LRRC70: variants seen among roughly 807,000 people sequenced by gnomAD.
LRRC70 encodes leucine-rich repeat-containing protein 70.
Under a neutral mutation model 42.4 loss-of-function variants are expected in LRRC70, and 31 were observed. That is an observed-to-expected ratio of 0.73 (90% CI 0.55 to 0.99). The LOEUF is 0.99. Among genes scored for constraint, LRRC70 ranks in the 50% least tolerant of loss-of-function variants. The probability of loss-of-function intolerance (pLI) is 0.00; values close to 1 mark genes in which losing one functional copy is unlikely to be tolerated. For missense variants in LRRC70, 643 were observed against 707.5 expected (o/e 0.91, Z 1.03); for synonymous variants, 270 against 262.9 (o/e 1.03, Z -0.26).
rs988873763 is a variant in LRRC70, at chr5:62,580,598, A to G, written c.1160A>G (p.Asn387Ser). The change falls in exon 2 of 2, where the codon AAT (asparagine) becomes AGT (serine). Residue 387 changes from asparagine to serine, a missense_variant. By Grantham distance (46) the Asn-to-Ser change is conservative (BLOSUM62 1). Transcript: ENST00000334994. ...SAITLNIYCQ[N>S]PPSMRGRALR... ...ATTACTCTAAACATCTATTGTCAGA[A>G]TCCCCCATCCATGCGTGGCAGAGCA... is the stretch of plus-strand genomic sequence containing the variant. 6.4e-7 allele frequency: 1 copy of G among 1,551,474 alleles called. No individual in the cohort carries two copies. The highest frequency in any genetic ancestry group is 8.7e-7 in the Non-Finnish European group (1 of 1,146,822).
In LRRC70 at chr5:62,580,466, G is replaced by C. The variant is rs1390950931; in HGVS notation, c.1028G>C (p.Arg343Thr). ...SFNNLTALHP[R>T]VLKPLSSLIH... Reference sequence around the variant, plus strand: ...AATAATCTTACAGCCTTGCATCCAAGGGTCCTTAAGCCGTTGTCTTCATTG... The same window carrying C: ...AATAATCTTACAGCCTTGCATCCAACGGTCCTTAAGCCGTTGTCTTCATTG... Residue 343 changes from arginine (R) to threonine (T), a missense_variant, in exon 2 of 2, where the codon AGG (arginine) becomes ACG (threonine). Arg to Thr is a moderately conservative substitution (Grantham distance 71, BLOSUM62 -1). Transcript: ENST00000334994. The C allele has an allele frequency of 6.4e-7, 1 of 1,551,248 alleles. No individual in the cohort carries two copies. The highest frequency in any genetic ancestry group is 1.4e-5 in the African/African-American group (1 of 73,004).
Position 62,580,391 on chromosome 5 carries a change from A to T in LRRC70, c.953A>T (p.Asp318Val), listed in dbSNP as rs1365284605. 2.6e-6 allele frequency: 4 copies of T among 1,549,708 alleles called. No individual in the cohort carries two copies. In the African/African-American group the frequency reaches 4.1e-5, roughly 16 times the overall value. ...AACAGAATAATTAGCATTGATAATGATACATTTGAAAATATGGGAGCATCT... is the reference window on the plus strand; with the variant it reads ...AACAGAATAATTAGCATTGATAATGTTACATTTGAAAATATGGGAGCATCT... The part of the protein sequence containing the change: ...DRNRIISIDN[D>V]TFENMGASLK... Residue 318 changes from aspartate to valine, a missense_variant, in exon 2 of 2, where the codon GAT becomes GTT. Physicochemically the swap from Asp to Val is radical, Grantham distance 152. Coordinates refer to ENST00000334994, the MANE Select transcript of LRRC70 (RefSeq NM_181506.5).
rs564539877 is a variant in LRRC70 at position 62,579,842 on chromosome 5, G to A, written c.404G>A (p.Arg135His). ...ATATTTAAGGGACTTTTAAATCTTC[G>A]TAATTTATATTTACAGTATAATCAG... ...PGIFKGLLNL[R>H]NLYLQYNQVS... The change falls in exon 2 of 2, where the codon CGT becomes CAT. Residue 135 changes from arginine to histidine, a missense_variant. By Grantham distance (29) the Arg-to-His change is conservative (BLOSUM62 0). Coordinates refer to ENST00000334994, the MANE Select transcript of LRRC70 (RefSeq NM_181506.5). 7.0e-5 allele frequency: 108 copies of A among 1,547,690 alleles called. 2 individuals carry two copies. The highest frequency in any genetic ancestry group is 6.7e-4 in the South Asian group (56 of 83,566).
chr5:62,581,424 T>G lies in LRRC70; in HGVS notation c.*117T>G, dbSNP rs558201346. The G allele has an allele frequency of 2.4e-6, 2 of 817,032 alleles. No homozygotes were observed. The highest frequency in any genetic ancestry group is 2.4e-5 in the South Asian group (1 of 42,492). 50.6% of individuals were successfully genotyped at this position (817,032 alleles called of 1,614,324 possible). A position where few individuals can be genotyped will look rare whatever the true frequency, so the allele number is the denominator to read the frequency against. On this transcript the variant is annotated 3_prime_UTR_variant, in exon 2 of 2. Transcript: ENST00000334994. Reference sequence around the variant, plus strand: ...TATAATGAATTATATGAGGTTAGCATTATTAAAATATGTTTTTAATAATTT... The same window carrying G: ...TATAATGAATTATATGAGGTTAGCAGTATTAAAATATGTTTTTAATAATTT...
In LRRC70 at chr5:62,580,848, T is replaced by C. The variant is rs1334837256; in HGVS notation, c.1410T>C (p.Asn470=). The C allele has an allele frequency of 6.4e-7, 1 of 1,551,414 alleles. No homozygotes were observed. Among genetic ancestry groups the C allele is most frequent in the South Asian group, 1.2e-5 (1 of 84,066 alleles). The change falls in exon 2 of 2, where the codon AAT becomes AAC. Residue 470 remains asparagine (N), a synonymous_variant. Coordinates refer to ENST00000334994, the MANE Select transcript of LRRC70 (RefSeq NM_181506.5). ...TSPAGRFFQE[N]AFGNPLETTA... is the part of the protein sequence containing the mutation. ...CTGCTGGTAGATTTTTTCAAGAGAA[T>C]GCCTTTGGTAATCCATTAGAGACTA...
chr5:62,581,147 A>G lies in LRRC70; in HGVS notation c.1709A>G (p.Tyr570Cys), dbSNP rs772130845. 8 of 1,550,914 alleles carry G rather than the reference A, an allele frequency of 5.2e-6. No individual in the cohort carries two copies. Among genetic ancestry groups the G allele is most frequent in the South Asian group, 1.2e-5 (1 of 83,890 alleles). Residue 570 changes from tyrosine (Y) to cysteine (C), a missense_variant, in exon 2 of 2, where the codon TAC becomes TGC. Transcript: ENST00000334994. ...TCAAGGGAAAATAGACTTGAATACT[A>G]CAGCTTTTATCAGTCAGCAAGGTAT... ...ENSRENRLEY[Y>C]SFYQSARYNV...
rs1020507617 is a variant in LRRC70 at position 62,580,717 on chromosome 5, A to G, written c.1279A>G (p.Thr427Ala). 2.6e-6 allele frequency: 4 copies of G among 1,551,342 alleles called. No individual in the cohort carries two copies. The highest frequency in any genetic ancestry group is 1.2e-5 in the South Asian group (1 of 84,066). Residue 427 changes from threonine (T) to alanine (A), a missense_variant, in exon 2 of 2, where the codon ACT becomes GCT. Coordinates refer to ENST00000334994, the MANE Select transcript of LRRC70 (RefSeq NM_181506.5). ...AAAATCTCCTCATATTCATCACAAG[A>G]CTACTGCGCTAATGATGGCCTGGCA... is the stretch of plus-strand genomic sequence containing the variant. The part of the protein sequence containing the change: ...VVKSPHIHHK[T>A]TALMMAWHKV...
In LRRC70 at chr5:62,579,721, A is replaced by G. The variant is rs750106580; in HGVS notation, c.283A>G (p.Asn95Asp). 97 of 1,548,332 alleles carry G rather than the reference A, an allele frequency of 6.3e-5. 1 individual carries two copies. Among genetic ancestry groups the G allele is most frequent in the East Asian group, 1.2e-4 (5 of 40,864 alleles). Residue 95 changes from asparagine to aspartate, a missense_variant, in exon 2 of 2, where the codon AAC becomes GAC. By Grantham distance (23) the Asn-to-Asp change is conservative (BLOSUM62 1). Coordinates refer to ENST00000334994, the MANE Select transcript of LRRC70 (RefSeq NM_181506.5). ...TGTAGCATTGTATTTGGATAATTCT[A>G]ACATTCTGTATGTATATCCAAAAGC... ...SLVALYLDNS[N>D]ILYVYPKAFV... is the part of the protein sequence containing the mutation.
Position 62,579,995 on chromosome 5 carries a change from A to G in LRRC70, c.557A>G (p.Asp186Gly). 1.3e-6 allele frequency: 2 copies of G among 1,551,256 alleles called. No homozygotes were observed. The highest frequency in any genetic ancestry group is 1.7e-6 in the Non-Finnish European group (2 of 1,146,730). ...FVGMVALRIL[D>G]LSNNNILRIS... ...GGTATGGTTGCTCTTCGGATACTTG[A>G]TTTATCAAACAATAACATTTTGAGG... The change falls in exon 2 of 2, where the codon GAT becomes GGT. Residue 186 changes from aspartate to glycine, a missense_variant. Transcript: ENST00000334994.
Position 62,581,150 on chromosome 5 carries a change from G to T in LRRC70, c.1712G>T (p.Ser571Ile). The change falls in exon 2 of 2, where the codon AGC (serine) becomes ATC (isoleucine). Residue 571 changes from serine to isoleucine, a missense_variant. By Grantham distance (142) the Ser-to-Ile change is moderately radical. Transcript: ENST00000334994. ...AGGGAAAATAGACTTGAATACTACA[G>T]CTTTTATCAGTCAGCAAGGTATAAT... ...NSRENRLEYYSFYQSARYNVT... is the reference protein window; with the variant it reads ...NSRENRLEYYIFYQSARYNVT... The T allele has an allele frequency of 1.3e-6, 2 of 1,550,940 alleles. No homozygotes were observed. The highest frequency in any genetic ancestry group is 1.7e-6 in the Non-Finnish European group (2 of 1,146,698).
rs1173911594 is a variant in LRRC70, at chr5:62,581,290, G to A, written c.1852G>A (p.Glu618Lys). The change falls in exon 2 of 2, where the codon GAA becomes AAA. Residue 618 changes from glutamate (E) to lysine (K), a missense_variant. Physicochemically the swap from Glu to Lys is moderately conservative, Grantham distance 56. Coordinates refer to ENST00000334994, the MANE Select transcript of LRRC70 (RefSeq NM_181506.5). ...PENEAQVILF[E>K]HSAL Reference sequence around the variant, plus strand: ...AAATGAGGCACAGGTCATTCTTTTTGAACATTCTGCTTTATAACTCAACTA... The same window carrying A: ...AAATGAGGCACAGGTCATTCTTTTTAAACATTCTGCTTTATAACTCAACTA... 3 of 1,520,570 alleles carry A rather than the reference G, an allele frequency of 2.0e-6. No homozygotes were observed. Among genetic ancestry groups the A allele is most frequent in the Non-Finnish European group, 2.6e-6 (3 of 1,137,170 alleles). The allele number at this position is 1,520,570 out of a possible 1,614,324, so 94.2% of individuals were successfully genotyped here.
At position 62,580,823 on chromosome 5, in the gene LRRC70, C is replaced by T. The variant is rs1176284738; in HGVS notation, c.1385C>T (p.Pro462Leu). The T allele has an allele frequency of 1.3e-5, 20 of 1,551,260 alleles. No individual in the cohort carries two copies. Among genetic ancestry groups the T allele is most frequent in the East Asian group, 4.9e-5 (2 of 40,926 alleles). ...TTCTGGGAACGAATTCCTACTTCAC[C>T]TGCTGGTAGATTTTTTCAAGAGAAT... ...ITFWERIPTS[P>L]AGRFFQENAF... The change falls in exon 2 of 2, where the codon CCT (proline) becomes CTT (leucine). Residue 462 changes from proline (P) to leucine (L), a missense_variant. Pro to Leu is a moderately conservative substitution (Grantham distance 98). Coordinates refer to ENST00000334994, the MANE Select transcript of LRRC70 (RefSeq NM_181506.5).
chr5:62,579,887 G>GA lies in LRRC70; in HGVS notation c.450dup (p.Val151SerfsTer3). The stretch of plus-strand genomic sequence containing the variant: ...AATCAGGTATCTTTTGTTCCGAGAG[G>GA]AGTATTTAATGATCTAGTTTCAGTT... On this transcript the variant is annotated frameshift_variant, in exon 2 of 2. Transcript: ENST00000334994. LOFTEE classifies it high-confidence loss of function. 6.4e-7 allele frequency: 1 copy of GA among 1,550,734 alleles called. No individual in the cohort carries two copies. Among genetic ancestry groups the GA allele is most frequent in the Non-Finnish European group, 8.7e-7 (1 of 1,146,322 alleles).
chr5:62,579,352 C>G, intron 1 of LRRC70, 49 bp from the exon 2 acceptor site: 1 of 1,213,736 alleles, frequency 8.2e-7, no homozygotes, highest in Non-Finnish European at 1.2e-6. Context: ...AAAAAAAATT[C>G]ATTTGATGAA....
In LRRC70 at chr5:62,580,935, C is replaced by A. The variant is rs1174231181; in HGVS notation, c.1497C>A (p.Asn499Lys). The A allele has an allele frequency of 1.3e-6, 2 of 1,551,288 alleles. No homozygotes were observed. Among genetic ancestry groups the A allele is most frequent in the Non-Finnish European group, 1.7e-6 (2 of 1,146,802 alleles). Residue 499 changes from asparagine to lysine, a missense_variant, in exon 2 of 2, where the codon AAC (asparagine) becomes AAA (lysine). Physicochemically the swap from Asn to Lys is moderately conservative, Grantham distance 94. Transcript: ENST00000334994. ...TTSVTLNLEKNSALPNDAASM... is the reference protein window; with the variant it reads ...TTSVTLNLEKKSALPNDAASM... ...CTGTTACCTTGAACTTGGAAAAAAA[C>A]AGTGCTCTACCGAATGATGCTGCTT...
chr5:62,580,481 T>C lies in LRRC70; in HGVS notation c.1043T>C (p.Leu348Ser). ...TTGCATCCAAGGGTCCTTAAGCCGT[T>C]GTCTTCATTGATTCATCTTCAGGCA... is the stretch of plus-strand genomic sequence containing the variant. ...TALHPRVLKP[L>S]SSLIHLQANS... Residue 348 changes from leucine to serine, a missense_variant, in exon 2 of 2, where the codon TTG (leucine) becomes TCG (serine). Physicochemically the swap from Leu to Ser is moderately radical, Grantham distance 145. Coordinates refer to ENST00000334994, the MANE Select transcript of LRRC70 (RefSeq NM_181506.5). 1 of 1,551,474 alleles carries C rather than the reference T, an allele frequency of 6.4e-7. No individual in the cohort carries two copies. The highest frequency in any genetic ancestry group is 8.7e-7 in the Non-Finnish European group (1 of 1,146,826).
chr5:62,580,722 T>A lies in LRRC70; in HGVS notation c.1284T>A (p.Thr428=), dbSNP rs1046786103. The change falls in exon 2 of 2, where the codon ACT becomes ACA. Residue 428 remains threonine, a synonymous_variant. Coordinates refer to ENST00000334994, the MANE Select transcript of LRRC70 (RefSeq NM_181506.5). ...VKSPHIHHKT[T]ALMMAWHKVT... is the part of the protein sequence containing the mutation. ...CTCCTCATATTCATCACAAGACTAC[T>A]GCGCTAATGATGGCCTGGCATAAAG... 15 of 1,551,356 alleles carry A rather than the reference T, an allele frequency of 9.7e-6. No homozygotes were observed. The Admixed American group carries it at 2.0e-4, about 20-fold the overall frequency.
rs1402056933 is a variant in LRRC70 at position 62,580,095 on chromosome 5, A to G, written c.657A>G (p.Val219=). ...TAGGAAGTAATAATTTAACAAAAGT[A>G]CCATCAAATGCCTTTGAAGTACTTA... ...LYLGSNNLTK[V]PSNAFEVLKS... The change falls in exon 2 of 2, where the codon GTA becomes GTG. Residue 219 remains valine (V), a synonymous_variant. Coordinates refer to ENST00000334994, the MANE Select transcript of LRRC70 (RefSeq NM_181506.5). 1.3e-6 allele frequency: 2 copies of G among 1,551,156 alleles called. No homozygotes were observed. Among genetic ancestry groups the G allele is most frequent in the Non-Finnish European group, 1.7e-6 (2 of 1,146,664 alleles).
At position 62,579,483 on chromosome 5, in the gene LRRC70, G is replaced by A. The variant is rs983576818; in HGVS notation, c.45G>A (p.Leu15=). 2.6e-6 allele frequency: 4 copies of A among 1,550,580 alleles called. No individual in the cohort carries two copies. The African/African-American group carries it at 5.5e-5, about 21-fold the overall frequency. Residue 15 remains leucine (L), a synonymous_variant, in exon 2 of 2, where the codon CTG becomes CTA. Transcript: ENST00000334994. ...QFSLPCLRLF[L]VVTCYLLLLL... ...CTCTGCCTTGCCTACGACTGTTTCT[G>A]GTTGTTACCTGTTATCTTTTATTAT...
Sources: allele counts gnomAD v4.1 joint callset, GRCh38; gene constraint gnomAD v4.1.1; transcripts MANE v1.5; gene names NCBI Gene and HGNC (gene_info 2026-07-23, HGNC 2026-07-21).